Variants in SERGEF observed in about 807,000 individuals in gnomAD.
The protein encoded by SERGEF is secretion-regulating guanine nucleotide exchange factor.
SERGEF carries 51 observed loss-of-function variants against 50.0 expected under a neutral mutation model. That is an observed-to-expected ratio of 1.02 (90% CI 0.81 to 1.29). The LOEUF (loss-of-function observed/expected upper bound fraction) is 1.29, where lower values mean the gene tolerates loss of function less well. Ranked by LOEUF, SERGEF falls within the 50% of genes most tolerant of loss-of-function variation. The pLI, the probability that SERGEF is intolerant of heterozygous loss-of-function variation, is 0.00. For missense variants in SERGEF, 521 were observed against 557.0 expected (o/e 0.94, Z 0.65); for synonymous variants, 205 against 212.4 (o/e 0.97, Z 0.30).
chr11:17,793,455 G>C (rs1849518882), intron 10 of SERGEF, among the ~76,000 whole-genome samples: 1 of 152,198 alleles, frequency 6.6e-6, no homozygotes, highest in Admixed American at 6.5e-5. Context: ...ACCTCACTTA[G>C]GGCCACCTTT....
intron 9 of SERGEF, among the ~76,000 whole-genome samples, chr11:17,940,786 C>T (rs1181200177): frequency 6.6e-6 from 1 of 152,124 alleles, no homozygotes; most frequent in East Asian, 1.9e-4. Context: ...CAGTCTTACA[C>T]TGGAGAAAGT....
chr11:17,947,600 C>G (rs925338541), intron 9 of SERGEF, among the ~76,000 whole-genome samples: 9 of 152,188 alleles, frequency 5.9e-5, no homozygotes, highest in Admixed American at 2.0e-4. Flanking sequence ...ACTGGCACAT[C>G]TGGACTTCTA....
chr11:17,901,950 C>G (rs1386233805), intron 9 of SERGEF, among the ~76,000 whole-genome samples: 1 of 152,204 alleles, frequency 6.6e-6, no homozygotes, highest in Non-Finnish European at 1.5e-5. Flanking sequence ...ATAACTCAAT[C>G]TAACTCACAG....
intron 10 of SERGEF, among the ~76,000 whole-genome samples, chr11:17,829,075 T>C (rs973962417): frequency 3.9e-5 from 6 of 152,330 alleles, no homozygotes; most frequent in South Asian, 2.1e-4. Context: ...ACAGAGGAAG[T>C]GTTTTCCAGT....
chr11:17,967,346 G>C (rs145284886), intron 8 of SERGEF, among the ~76,000 whole-genome samples: 1 of 152,286 alleles, frequency 6.6e-6, no homozygotes, highest in African/African-American at 2.4e-5. Flanking sequence ...GTGAACATTC[G>C]CAAGGACTTC....
intron 5 of SERGEF, chr11:17,999,697 C>G (rs1394034217): frequency 2.6e-6 from 1 of 389,544 alleles, no homozygotes; most frequent in African/African-American, 2.1e-5. Context: ...CACCCACTCA[C>G]AGTACAGGAG....
At chr11:17,905,615 A>G (rs1251765501) in intron 9 of SERGEF, among the ~76,000 whole-genome samples, 3 of 152,216 alleles carry the variant, frequency 2.0e-5, no homozygotes, top group Non-Finnish European at 2.9e-5. Flanking sequence ...AGTGGAGACC[A>G]TTGGGTCTCT....
chr11:17,964,493 C>T (rs1853078420), intron 8 of SERGEF, among the ~76,000 whole-genome samples: 1 of 152,120 alleles, frequency 6.6e-6, no homozygotes, highest in South Asian at 2.1e-4. Context: ...ATTAGAGGAT[C>T]ATCCATATTT....
intron 4 of SERGEF, among the ~76,000 whole-genome samples, chr11:18,002,239 C>T (rs1853978141): frequency 6.6e-6 from 1 of 152,162 alleles, no homozygotes; most frequent in Non-Finnish European, 1.5e-5. Flanking sequence ...ACTCTCCATC[C>T]CAACTGTTGC....
chr11:17,809,827 C>T (rs76605771), intron 10 of SERGEF, among the ~76,000 whole-genome samples: 3,160 of 152,278 alleles, frequency 0.021, 99 homozygotes, highest in African/African-American at 0.071. Flanking sequence ...CCTTGATTCA[C>T]AGTCCTGGTA....
At chr11:17,994,835 C>G (rs191870212) in intron 6 of SERGEF, among the ~76,000 whole-genome samples, 1 of 152,054 alleles carries the variant, frequency 6.6e-6, no homozygotes, top group Non-Finnish European at 1.5e-5. Flanking sequence ...GATCTCAACA[C>G]CCAATTACAT....
chr11:17,870,924 C>T (rs547837781), intron 10 of SERGEF, among the ~76,000 whole-genome samples: 1 of 152,248 alleles, frequency 6.6e-6, no homozygotes, highest in African/African-American at 2.4e-5. Context: ...CACATCAACA[C>T]ATATATGCAG....
intron 9 of SERGEF, among the ~76,000 whole-genome samples, chr11:17,899,754 A>C (rs1394155835): frequency 1.3e-5 from 2 of 152,018 alleles, no homozygotes; most frequent in Non-Finnish European, 2.9e-5. Flanking sequence ...GCGGTTCAAG[A>C]CCAGCCAGGA....
At chr11:17,848,452 T>G (rs768383356) in intron 10 of SERGEF, among the ~76,000 whole-genome samples, 14 of 152,202 alleles carry the variant, frequency 9.2e-5, no homozygotes. Flanking sequence ...CAGTAAATAG[T>G]GGTGGCACAA....
At chr11:17,903,838 TG>T (rs1851790968) in intron 9 of SERGEF, among the ~76,000 whole-genome samples, 1 of 152,194 alleles carries the variant, frequency 6.6e-6, no homozygotes, top group Non-Finnish European at 1.5e-5. Context: ...GAGTCATTAA[TG>T]TAGGGAAGAG....
chr11:17,846,846 T>A (rs1850622484), intron 10 of SERGEF: 1 of 443,178 alleles, frequency 2.3e-6, no homozygotes, highest in African/African-American at 2.0e-5. Flanking sequence ...AGCCTCCTAG[T>A]ATGTTAGAGG....
At chr11:17,819,527 TCA>T (rs1850038738) in intron 10 of SERGEF, among the ~76,000 whole-genome samples, 1 of 152,202 alleles carries the variant, frequency 6.6e-6, no homozygotes, top group African/African-American at 2.4e-5. Context: ...TCATCTGAGG[TCA>T]CACGGTGAAT....
chr11:17,950,645 T>C (rs546000337), intron 9 of SERGEF, among the ~76,000 whole-genome samples: 2 of 152,042 alleles, frequency 1.3e-5, no homozygotes, highest in Admixed American at 1.3e-4. Context: ...GAAATGGAGG[T>C]AGTTTTAGTC....
intron 1 of SERGEF, 140 bp downstream of exon 1, chr11:18,012,811 T>A: frequency 8.6e-7 from 1 of 1,159,976 alleles, no homozygotes; most frequent in East Asian, 4.3e-5. Context: ...CCCCCTCCGC[T>A]CCCAGCCCAG....
Sources: allele counts gnomAD v4.1 joint callset (sites outside exome capture counted in the v4.1 genomes callset), GRCh38; gene constraint gnomAD v4.1.1; transcripts MANE v1.5; gene names NCBI Gene and HGNC (gene_info 2026-07-23, HGNC 2026-07-21).